The following LTN1 variants were observed in gnomAD, a reference collection of about 807,000 sequenced individuals.
The protein encoded by LTN1 is listerin E3 ubiquitin protein ligase 1.
A neutral mutation model predicts 201.2 loss-of-function variants in LTN1; 88 were observed. The ratio of observed to expected loss-of-function variants is 0.44; its 90% confidence interval spans 0.37 to 0.52. The LOEUF (loss-of-function observed/expected upper bound fraction) is 0.52. Ranked by LOEUF, LTN1 falls within the 20% of genes least tolerant of loss-of-function variation. The probability of loss-of-function intolerance (pLI) is 0.00; values close to 1 mark genes in which losing one functional copy is unlikely to be tolerated. For synonymous variants in LTN1, 645 were observed against 713.5 expected, an observed-to-expected ratio of 0.90 and a Z score of 1.53; for missense variants, 1,752 against 2,038.7, an observed-to-expected ratio of 0.86 and a Z score of 2.71.
At chr21:28,954,837 C>G (rs900790367) in intron 16 of LTN1, among the ~76,000 whole-genome samples, 2 of 152,100 alleles carry the variant, frequency 1.3e-5, no homozygotes, top group African/African-American at 4.8e-5. Flanking sequence ...TATAAAACAA[C>G]TAGAAAGCAT....
At chr21:28,985,117 T>C (rs893583877) in intron 3 of LTN1, among the ~76,000 whole-genome samples, 195 bp from the exon 4 acceptor site, 8 of 152,320 alleles carry the variant, frequency 5.3e-5, no homozygotes, top group African/African-American at 1.9e-4. Context: ...TAATTTTTCT[T>C]TCTCCCCTTC....
chr21:28,970,212 AT>A (rs1179322047), intron 8 of LTN1, among the ~76,000 whole-genome samples: 1 of 152,206 alleles, frequency 6.6e-6, no homozygotes, highest in African/African-American at 2.4e-5. Flanking sequence ...GCATTTAGGC[AT>A]TTGTATTTAT....
Position 28,945,901 on chromosome 21 carries a change from A to G in LTN1, c.3674T>C (p.Ile1225Thr), listed in dbSNP as rs373494486. Residue 1225 changes from isoleucine (I) to threonine (T), a missense_variant, in exon 21 of 30, where the codon ATC (isoleucine) becomes ACC (threonine). Around this residue, in one of 3 missense-constraint regions of LTN1, gnomAD observed 1,211 missense variants for 1,312.8 expected, o/e 0.92. Coordinates refer to ENST00000361371, the MANE Select transcript of LTN1 (RefSeq NM_015565.3). ...PEVLGVNIEI[I>T]RFLSLFLKYC... is the part of the protein sequence containing the mutation. ...TTTCAGAAATAGGGAAAGAAACCGG[A>G]TTATTTCTATATTTACACCCAGTAC... is the stretch of plus-strand genomic sequence containing the variant. 15 of 1,613,576 alleles carry G rather than the reference A, an allele frequency of 9.3e-6. No individual in the cohort carries two copies. The highest frequency in any genetic ancestry group is 1.3e-5 in the Non-Finnish European group (15 of 1,179,580).
chr21:28,988,560 G>T lies in LTN1; in HGVS notation c.43-1626C>A, dbSNP rs57489647. Among the ~76,000 whole-genome samples the T allele has an allele frequency of 1.1e-3, 162 of 152,140 alleles. No homozygotes were observed. In the East Asian group the frequency reaches 0.021, roughly 19 times the overall value. ...TCTGGCCTACTTCCTAAACTGAACT[G>T]AGTGAACAGGAAAGAAAATGATGGC... On this transcript the variant is annotated intron_variant, in intron 1 of 29. Transcript: ENST00000361371.
At chr21:28,939,054 C>T (rs959264629) in intron 25 of LTN1, among the ~76,000 whole-genome samples, 3 of 152,018 alleles carry the variant, frequency 2.0e-5, no homozygotes, top group South Asian at 4.2e-4. Context: ...TTCAACCAAT[C>T]GCAGATTGAA....
chr21:28,961,213 T>C (rs1158122574), intron 11 of LTN1: 1 of 152,268 alleles, frequency 6.6e-6, no homozygotes, highest in African/African-American at 2.4e-5. Context: ...GTTCAATGAA[T>C]AATGAATAAA....
intron 14 of LTN1, 26 bp from the exon 15 acceptor site, chr21:28,957,502 T>G (rs779813191): frequency 6.6e-7 from 1 of 1,508,762 alleles, no homozygotes; most frequent in South Asian, 1.4e-5. Flanking sequence ...AGAACTTAAC[T>G]GTTGTAGTTA....
At chr21:28,935,413 T>C in intron 26 of LTN1, 84 bp from the exon 27 acceptor site, 1 of 857,390 alleles carries the variant, frequency 1.2e-6, no homozygotes, top group Non-Finnish European at 1.9e-6. Flanking sequence ...CTTTAGAAAG[T>C]GATCCTTAAT....
rs770924789 is a variant in LTN1, at chr21:28,945,932, G to C, written c.3643C>G (p.Pro1215Ala). The change falls in exon 21 of 30, where the codon CCA (proline) becomes GCA (alanine). Residue 1215 changes from proline to alanine, a missense_variant. Transcript: ENST00000361371. ...LFSCNLSEAS[P>A]EVLGVNIEII... ...TCTATATTTACACCCAGTACCTCTGGACTTGCTTCTGATAGATTACTGTGA... is the reference window on the plus strand; with the variant it reads ...TCTATATTTACACCCAGTACCTCTGCACTTGCTTCTGATAGATTACTGTGA... 10 of 1,610,514 alleles carry C rather than the reference G, an allele frequency of 6.2e-6. No individual in the cohort carries two copies. Among genetic ancestry groups the C allele is most frequent in the Non-Finnish European group, 8.5e-6 (10 of 1,178,492 alleles).
At position 28,934,998 on chromosome 21, in the gene LTN1, C is replaced by T. The variant is rs983774342; in HGVS notation, c.4875+111G>A. 8.3e-5 allele frequency: 63 copies of T among 756,954 alleles called. 1 individual carries two copies. Among genetic ancestry groups the T allele is most frequent in the East Asian group, 4.5e-4 (17 of 37,616 alleles). 46.9% of individuals were successfully genotyped at this position (756,954 alleles called of 1,614,324 possible). ...AGGCATGAGCCACGACTCCTGGCCA[C>T]CAGTTTCTATAAATTCTGAGTTAAG... On this transcript the variant is annotated intron_variant, in intron 27 of 29. Coordinates refer to ENST00000361371, the MANE Select transcript of LTN1 (RefSeq NM_015565.3).
In LTN1 at chr21:28,964,843, G is replaced by C; in HGVS notation, c.2163+1022C>G. 2.1e-6 allele frequency: 3 copies of C among 1,419,794 alleles called. No individual in the cohort carries two copies. The Admixed American group carries it at 8.0e-5, about 38-fold the overall frequency. The allele number at this position is 1,419,794 out of a possible 1,614,324, so 87.9% of individuals were successfully genotyped here. ...CCTGCTCTGAATCAAGGCTTATCAA[G>C]GAGCTTTCTGATAATTTAGCTCTTC... On this transcript the variant is annotated intron_variant, in intron 11 of 29. Transcript: ENST00000361371.
At chr21:28,992,687 C>T in intron 1 of LTN1, 77 bp downstream of exon 1, 1 of 1,552,650 alleles carries the variant, frequency 6.4e-7, no homozygotes, top group Non-Finnish European at 8.8e-7. Context: ...GCTCCACACA[C>T]CCTCCAGCAA....
At chr21:28,992,358 T>C (rs1303258762) in intron 1 of LTN1, among the ~76,000 whole-genome samples, 1 of 152,118 alleles carries the variant, frequency 6.6e-6, no homozygotes, top group African/African-American at 2.4e-5. Context: ...CCACTGTAGG[T>C]AGCAAAGGAG....
At chr21:28,940,945 G>T (rs1170167183) in intron 25 of LTN1, among the ~76,000 whole-genome samples, 2 of 152,158 alleles carry the variant, frequency 1.3e-5, no homozygotes, top group South Asian at 4.1e-4. Context: ...AAATTAGCCA[G>T]GCATGGTGGC....
chr21:28,954,727 A>G (rs1469724688), intron 16 of LTN1, among the ~76,000 whole-genome samples: 2 of 152,190 alleles, frequency 1.3e-5, no homozygotes, highest in Non-Finnish European at 2.9e-5. Context: ...GGAAAACTGA[A>G]TATTCATATG....
chr21:28,930,204 A>G lies in LTN1; in HGVS notation c.*244T>C, dbSNP rs2084200166. The stretch of plus-strand genomic sequence containing the variant: ...TATACAAAGAAATTAAACCATTAAT[A>G]GAAATATTTTCTCTCAAATATGTAA... On this transcript the variant is annotated 3_prime_UTR_variant, in exon 30 of 30. Coordinates refer to ENST00000361371, the MANE Select transcript of LTN1 (RefSeq NM_015565.3). The G allele has an allele frequency of 2.9e-6, 1 of 346,406 alleles. No homozygotes were observed. The highest frequency in any genetic ancestry group is 5.2e-6 in the Non-Finnish European group (1 of 194,098). The allele number at this position is 346,406 out of a possible 1,614,324, so 21.5% of individuals were successfully genotyped here.
At chr21:28,990,373 C>T (rs901003742) in intron 1 of LTN1, among the ~76,000 whole-genome samples, 3 of 152,194 alleles carry the variant, frequency 2.0e-5, no homozygotes, top group African/African-American at 7.2e-5. Context: ...TTCTCTAAAC[C>T]TCAGTTTCAC....
Position 28,986,574 on chromosome 21 carries a change from T to C in LTN1, c.246+157A>G. On this transcript the variant is annotated intron_variant, in intron 2 of 29. Transcript: ENST00000361371. The surrounding 1 kb of genome is among the most constrained non-coding windows in gnomAD (Gnocchi z 4.1). ...ACTAATTTACGACCTAGAAAATAAATATCAACTAAGTTTAAGACTCTGTGT... is the reference window on the plus strand; with the variant it reads ...ACTAATTTACGACCTAGAAAATAAACATCAACTAAGTTTAAGACTCTGTGT... 1 of 666,878 alleles carries C rather than the reference T, an allele frequency of 1.5e-6. No individual in the cohort carries two copies. Among genetic ancestry groups the C allele is most frequent in the South Asian group, 1.9e-5 (1 of 53,004 alleles). 41.3% of individuals were successfully genotyped at this position (666,878 alleles called of 1,614,324 possible). A position where few individuals can be genotyped will look rare whatever the true frequency, so the allele number is the denominator to read the frequency against.
chr21:28,979,514 A>T (rs527961340), intron 6 of LTN1, among the ~76,000 whole-genome samples: 2 of 152,358 alleles, frequency 1.3e-5, no homozygotes, highest in African/African-American at 4.8e-5. Context: ...TCTTTTGAAA[A>T]AGTAATAAAT....
Sources: gnomAD v4.1 joint callset for allele counts (sites outside exome capture counted in the v4.1 genomes callset) on GRCh38, gnomAD v4.1.1 for gene constraint, gnomAD v4.1.1 regional missense constraint, Gnocchi (gnomAD v3.1) non-coding constraint, MANE v1.5 for transcripts, NCBI Gene and HGNC (gene_info 2026-07-23, HGNC 2026-07-21) for gene names.